The following TECRL variants were observed in gnomAD, a reference collection of about 807,000 sequenced individuals.
The protein encoded by TECRL is trans-2,3-enoyl-CoA reductase like.
Under a neutral mutation model 52.8 loss-of-function variants are expected in TECRL, and 63 were observed. The ratio of observed to expected loss-of-function variants is 1.19; its 90% CI spans 0.97 to 1.47. TECRL has a LOEUF of 1.47. Among genes scored for constraint, TECRL ranks in the 40% most tolerant of loss-of-function variants. The probability of loss-of-function intolerance (pLI) is 0.00; values close to 1 mark genes in which losing one functional copy is unlikely to be tolerated. For missense variants in TECRL, 482 were observed against 429.6 expected, an observed-to-expected ratio of 1.12 and a Z score of -1.08; for synonymous variants, 164 against 141.9, an observed-to-expected ratio of 1.16 and a Z score of -1.10.
intron 9 of TECRL, among the ~76,000 whole-genome samples, chr4:64,287,284 A>G (rs1019442595): frequency 4.6e-5 from 7 of 152,190 alleles, no homozygotes; most frequent in Non-Finnish European, 1.0e-4. Flanking sequence ...ATGTGTAATA[A>G]CAAACATATG....
At chr4:64,300,541 G>A (rs930104943) in intron 7 of TECRL, among the ~76,000 whole-genome samples, 1 of 150,704 alleles carries the variant, frequency 6.6e-6, no homozygotes, top group Non-Finnish European at 1.5e-5. Context: ...CAGATAAAGA[G>A]TAATGTAGAA....
intron 2 of TECRL, among the ~76,000 whole-genome samples, chr4:64,361,468 G>A (rs1721191220): frequency 1.3e-5 from 2 of 152,132 alleles, no homozygotes; most frequent in Admixed American, 6.6e-5. Flanking sequence ...CCATTGGAGT[G>A]TGGTTGCCAG....
At chr4:64,389,289 C>G (rs1723391636) in intron 1 of TECRL, among the ~76,000 whole-genome samples, 1 of 151,786 alleles carries the variant, frequency 6.6e-6, no homozygotes, top group Non-Finnish European at 1.5e-5. Context: ...AGGAAGTTCC[C>G]CCTCTATTCC....
chr4:64,311,644 A>G (rs1374925535), intron 5 of TECRL, among the ~76,000 whole-genome samples: 1 of 152,206 alleles, frequency 6.6e-6, no homozygotes, highest in Non-Finnish European at 1.5e-5. Context: ...AGAAACCTCC[A>G]TAGAATGTAC....
At chr4:64,395,927 T>G (rs975042203) in intron 1 of TECRL, among the ~76,000 whole-genome samples, 2 of 152,162 alleles carry the variant, frequency 1.3e-5, no homozygotes, top group Non-Finnish European at 2.9e-5. Context: ...CATGCAGTAT[T>G]TGGTTTTCTG....
At chr4:64,288,552 A>G (rs1723203262) in intron 9 of TECRL, among the ~76,000 whole-genome samples, 1 of 152,106 alleles carries the variant, frequency 6.6e-6, no homozygotes, top group Non-Finnish European at 1.5e-5. Context: ...AGAACAATGA[A>G]CCATTTCTTG....
intron 1 of TECRL, among the ~76,000 whole-genome samples, chr4:64,396,987 G>C (rs961404813): frequency 1.3e-5 from 2 of 152,012 alleles, no homozygotes; most frequent in Non-Finnish European, 2.9e-5. Flanking sequence ...GTACTACAAG[G>C]CTACAATAAC....
At chr4:64,352,656 CT>C (rs1162266404) in intron 2 of TECRL, among the ~76,000 whole-genome samples, 1 of 152,146 alleles carries the variant, frequency 6.6e-6, no homozygotes, top group Non-Finnish European at 1.5e-5. Flanking sequence ...ATTACTTCCT[CT>C]ATAGTAAAAT....
intron 2 of TECRL, among the ~76,000 whole-genome samples, chr4:64,358,704 T>C (rs1343434143): frequency 2.0e-5 from 3 of 151,792 alleles, no homozygotes; most frequent in African/African-American, 4.8e-5. Flanking sequence ...ATCTGATGCC[T>C]TCCCAACATA....
At chr4:64,371,867 A>G (rs1218934848) in intron 2 of TECRL, among the ~76,000 whole-genome samples, 1 of 151,806 alleles carries the variant, frequency 6.6e-6, no homozygotes, top group Non-Finnish European at 1.5e-5. Flanking sequence ...ACATGTTCTA[A>G]TAAAGTCATA....
chr4:64,331,436 G>T (rs1192618955), intron 2 of TECRL, among the ~76,000 whole-genome samples: 1 of 151,982 alleles, frequency 6.6e-6, no homozygotes, highest in Non-Finnish European at 1.5e-5. Flanking sequence ...AGGTAACATA[G>T]CTTAAAACCC....
intron 10 of TECRL, 104 bp from the exon 11 acceptor site, chr4:64,281,190 T>TTATAGA (rs1165270427): frequency 1.4e-6 from 1 of 723,914 alleles, no homozygotes; most frequent in Non-Finnish European, 2.2e-6. Flanking sequence ...ATTAGAAAAC[T>TTATAGA]TATAGATAGG....
intron 2 of TECRL, among the ~76,000 whole-genome samples, chr4:64,365,774 G>T (rs906918080): frequency 2.0e-5 from 3 of 151,676 alleles, no homozygotes; most frequent in African/African-American, 7.3e-5. Context: ...TGTATAAAAA[G>T]AATCAATATT....
chr4:64,375,546 A>G (rs1722340496), intron 1 of TECRL, among the ~76,000 whole-genome samples: 2 of 151,954 alleles, frequency 1.3e-5, no homozygotes, highest in Admixed American at 6.6e-5. Flanking sequence ...AAAACTATCA[A>G]TTAAAAATAT....
intron 2 of TECRL, among the ~76,000 whole-genome samples, chr4:64,374,067 A>AG (rs772454325): frequency 2.1e-4 from 27 of 126,086 alleles, no homozygotes; most frequent in African/African-American, 3.6e-4. Flanking sequence ...ATATATATAT[A>AG]TATATATATA....
rs763329162 is a variant in TECRL, at chr4:64,289,705, C to A, written c.832+5G>T. 2 of 1,525,876 alleles carry A rather than the reference C, an allele frequency of 1.3e-6. No individual in the cohort carries two copies. Among genetic ancestry groups the A allele is most frequent in the East Asian group, 2.5e-5 (1 of 39,534 alleles). 94.5% of individuals were successfully genotyped at this position (1,525,876 alleles called of 1,614,324 possible). Reference sequence around the variant, plus strand: ...TAAAGAAAAGAAAAAGAAAAAAGAACTAACCTGTGTGATTGGGATGAGACA... The same window carrying A: ...TAAAGAAAAGAAAAAGAAAAAAGAAATAACCTGTGTGATTGGGATGAGACA... On this transcript the variant is annotated splice_donor_5th_base_variant and intron_variant, in intron 9 of 11. Transcript: ENST00000381210.
At chr4:64,390,021 C>A (rs1723438693) in intron 1 of TECRL, among the ~76,000 whole-genome samples, 1 of 151,836 alleles carries the variant, frequency 6.6e-6, no homozygotes, top group Admixed American at 6.6e-5. Context: ...CTGGGAGCTA[C>A]TGACTTCTAC....
intron 8 of TECRL, among the ~76,000 whole-genome samples, chr4:64,290,346 T>C (rs1275762516): frequency 1.3e-5 from 2 of 152,142 alleles, no homozygotes; most frequent in Non-Finnish European, 2.9e-5. Flanking sequence ...CTTACCACCA[T>C]CGCCTGAGAC....
intron 6 of TECRL, among the ~76,000 whole-genome samples, chr4:64,307,301 A>G (rs1386211350): frequency 6.6e-6 from 1 of 152,134 alleles, no homozygotes; most frequent in Non-Finnish European, 1.5e-5. Flanking sequence ...ATGAAGCTCA[A>G]AAGAAGAAAT....
Sources: allele counts gnomAD v4.1 joint callset (sites outside exome capture counted in the v4.1 genomes callset), GRCh38; gene constraint gnomAD v4.1.1; transcripts MANE v1.5; gene names NCBI Gene and HGNC (gene_info 2026-07-23, HGNC 2026-07-21).